Variants in PCDHGB2 observed in about 807,000 individuals in gnomAD.
PCDHGB2 encodes protocadherin gamma subfamily B, 2.
PCDHGB2 carries 55 observed loss-of-function variants against 59.3 expected under a neutral mutation model. The ratio of observed to expected loss-of-function variants is 0.93; its 90% CI spans 0.75 to 1.16. The LOEUF (loss-of-function observed/expected upper bound fraction) is 1.16, where lower values mean the gene tolerates loss of function less well. Among genes scored for constraint, PCDHGB2 ranks in the 50% most tolerant of loss-of-function variants. The pLI is 0.00. For missense variants in PCDHGB2, 1,228 were observed against 1,198.5 expected, an observed-to-expected ratio of 1.02 and a Z score of -0.36; for synonymous variants, 516 against 512.0, an observed-to-expected ratio of 1.01 and a Z score of -0.11.
intron 1 of PCDHGB2, chr5:141,422,413 GAA>G (rs753790858): frequency 6.2e-7 from 1 of 1,604,644 alleles, no homozygotes; most frequent in South Asian, 1.1e-5. Flanking sequence ...TTTTAAATTA[GAA>G]AAGACTTATG....
chr5:141,403,623 G>A (rs765775423), intron 1 of PCDHGB2: 1 of 1,613,898 alleles, frequency 6.2e-7, no homozygotes, highest in South Asian at 1.1e-5. Context: ...CGTCGCTCCA[G>A]CACAGTGCGC....
rs1181585491 is a variant in PCDHGB2, at chr5:141,371,693, C to A, written c.2421+9137C>A. Reference sequence around the variant, plus strand: ...CCGACAAAGGCAATCCACCGCTCTCCTCCAGCAAGACCATCACTCTGCACA... The same window carrying A: ...CCGACAAAGGCAATCCACCGCTCTCATCCAGCAAGACCATCACTCTGCACA... On this transcript the variant is annotated intron_variant, in intron 1 of 3. Transcript: ENST00000522605. 6.8e-6 allele frequency: 11 copies of A among 1,613,948 alleles called. No individual in the cohort carries two copies. In the Admixed American group the frequency reaches 1.7e-4, roughly 24 times the overall value.
chr5:141,487,421 C>G lies in PCDHGB2; in HGVS notation c.2422-7386C>G. On this transcript the variant is annotated intron_variant, in intron 1 of 3. Transcript: ENST00000522605. This position sits in a 1 kb window ranked among gnomAD's most constrained non-coding sequence, Gnocchi z 5.0. ...GGGGCTTCCCCCTTCCAATGGGATC[C>G]TCCGAATCCAGCTAGGGTCAGATGA... 1 of 1,614,144 alleles carries G rather than the reference C, an allele frequency of 6.2e-7. No individual in the cohort carries two copies. The highest frequency in any genetic ancestry group is 8.5e-7 in the Non-Finnish European group (1 of 1,180,022).
Position 141,375,862 on chromosome 5 carries a change from G to T in PCDHGB2, c.2421+13306G>T, listed in dbSNP as rs759161440. 4.3e-6 allele frequency: 7 copies of T among 1,613,976 alleles called. No individual in the cohort carries two copies. The South Asian group carries it at 7.7e-5, about 18-fold the overall frequency. On this transcript the variant is annotated intron_variant, in intron 1 of 3. Coordinates refer to ENST00000522605, the MANE Select transcript of PCDHGB2 (RefSeq NM_018923.3). Reference sequence around the variant, plus strand: ...GCTACCTGGTGACCAAGGTGGTGGCGGTGGACAGAGACTCGGGCCAGAACG... The same window carrying T: ...GCTACCTGGTGACCAAGGTGGTGGCTGTGGACAGAGACTCGGGCCAGAACG...
At chr5:141,398,414 G>C (rs373274513) in intron 1 of PCDHGB2, 1 of 1,487,954 alleles carries the variant, frequency 6.7e-7, no homozygotes, top group Non-Finnish European at 9.3e-7. Flanking sequence ...GAGGAGATAT[G>C]CGGGAAGAAG....
intron 1 of PCDHGB2, chr5:141,383,918 T>A (rs1779590334): frequency 3.7e-6 from 6 of 1,613,948 alleles, no homozygotes; most frequent in Non-Finnish European, 5.1e-6. Flanking sequence ...GTTTTAGATG[T>A]AAATGATAAT....
At chr5:141,433,204 C>A in intron 1 of PCDHGB2, 1 of 1,566,946 alleles carries the variant, frequency 6.4e-7, no homozygotes, top group Non-Finnish European at 8.6e-7. Flanking sequence ...ATCAAATCTT[C>A]TTTCTTTTTT....
Position 141,375,092 on chromosome 5 carries a change from A to G in PCDHGB2, c.2421+12536A>G, listed in dbSNP as rs775722663. On this transcript the variant is annotated intron_variant, in intron 1 of 3. Coordinates refer to ENST00000522605, the MANE Select transcript of PCDHGB2 (RefSeq NM_018923.3). ...AGACAGAGCGAAAGTCTTAATAACT[A>G]TCTTGGATGTCAATGATAATGTACC... 20 of 1,613,866 alleles carry G rather than the reference A, an allele frequency of 1.2e-5. No individual in the cohort carries two copies. In the Middle Eastern group the frequency reaches 6.6e-4, roughly 53 times the overall value.
chr5:141,500,084 C>T (rs1354544132), intron 2 of PCDHGB2, among the ~76,000 whole-genome samples: 1 of 152,030 alleles, frequency 6.6e-6, no homozygotes, highest in Non-Finnish European at 1.5e-5. Flanking sequence ...CCTCCATCTT[C>T]CATTTTTGCA....
At chr5:141,404,161 ATTG>A in intron 1 of PCDHGB2, 1 of 1,613,152 alleles carries the variant, frequency 6.2e-7, no homozygotes, top group South Asian at 1.1e-5. Context: ...ATTATTACAG[ATTG>A]TTGACGGCCC....
In PCDHGB2 at chr5:141,431,716, G is replaced by T; in HGVS notation, c.2422-63091G>T. On this transcript the variant is annotated intron_variant, in intron 1 of 3. Transcript: ENST00000522605. The surrounding 1 kb of genome is among the most constrained non-coding windows in gnomAD (Gnocchi z 4.8). ...AGTCAGGATTCTACCAGATGGAAGT[G>T]CAAGCAATGGATAATGCAGGATATT... 1 of 1,614,244 alleles carries T rather than the reference G, an allele frequency of 6.2e-7. No homozygotes were observed. Among genetic ancestry groups the T allele is most frequent in the Middle Eastern group, 1.6e-4 (1 of 6,062 alleles).
intron 1 of PCDHGB2, chr5:141,418,458 T>C: frequency 6.2e-7 from 1 of 1,614,010 alleles, no homozygotes; most frequent in African/African-American, 1.3e-5. Context: ...CAGAAGACTC[T>C]GGACCGAGAA....
intron 1 of PCDHGB2, among the ~76,000 whole-genome samples, chr5:141,444,735 C>A (rs924159168): frequency 1.3e-5 from 2 of 152,116 alleles, no homozygotes; most frequent in Admixed American, 1.3e-4. Context: ...TGTTGAAAGT[C>A]ATTTCACTGA....
Position 141,432,089 on chromosome 5 carries a change from G to A in PCDHGB2, c.2422-62718G>A, listed in dbSNP as rs1325165974. On this transcript the variant is annotated intron_variant, in intron 1 of 3. Transcript: ENST00000522605. The surrounding 1 kb of genome is among the most constrained non-coding windows in gnomAD (Gnocchi z 6.0). Reference sequence around the variant, plus strand: ...AACTCATATCTCGCTGAACGTGGCAGACACCAACGACAACCCGCCGGTCTT... The same window carrying A: ...AACTCATATCTCGCTGAACGTGGCAAACACCAACGACAACCCGCCGGTCTT... The A allele has an allele frequency of 6.2e-7, 1 of 1,614,046 alleles. No homozygotes were observed. Among genetic ancestry groups the A allele is most frequent in the Non-Finnish European group, 8.5e-7 (1 of 1,180,052 alleles).
chr5:141,402,100 A>G (rs1589449876), intron 1 of PCDHGB2, among the ~76,000 whole-genome samples: 1 of 152,220 alleles, frequency 6.6e-6, no homozygotes, highest in South Asian at 2.1e-4. Flanking sequence ...AGTTTAAGCA[A>G]TTACAAAAAT....
At chr5:141,421,325 G>T in intron 1 of PCDHGB2, 1 of 1,613,906 alleles carries the variant, frequency 6.2e-7, no homozygotes, top group Non-Finnish European at 8.5e-7. Flanking sequence ...AGGCAGATCC[G>T]ATATTCGGTG....
At chr5:141,395,345 A>G in intron 1 of PCDHGB2, 1 of 1,399,052 alleles carries the variant, frequency 7.1e-7, no homozygotes, top group South Asian at 1.5e-5. Flanking sequence ...TTTAAGGTGT[A>G]TCACAGAGTT....
chr5:141,372,554 A>T, intron 1 of PCDHGB2: 1 of 1,612,360 alleles, frequency 6.2e-7, no homozygotes, highest in Non-Finnish European at 8.5e-7. Flanking sequence ...GCTCCTCCAG[A>T]CCCGCCACTG....
chr5:141,495,977 T>C (rs2099765025), intron 2 of PCDHGB2, among the ~76,000 whole-genome samples: 1 of 152,174 alleles, frequency 6.6e-6, no homozygotes, highest in Admixed American at 6.5e-5. Flanking sequence ...TCTGTTACTC[T>C]TTCTTTATCT....
Sources: gnomAD v4.1 joint callset for allele counts (sites outside exome capture counted in the v4.1 genomes callset) on GRCh38, gnomAD v4.1.1 for gene constraint, Gnocchi (gnomAD v3.1) non-coding constraint, MANE v1.5 for transcripts, NCBI Gene and HGNC (gene_info 2026-07-23, HGNC 2026-07-21) for gene names.